Variants in DROSHA observed in about 807,000 individuals in gnomAD.
The protein encoded by DROSHA is drosha ribonuclease III.
DROSHA carries 56 observed loss-of-function variants against 181.9 expected under a neutral mutation model. The observed-to-expected ratio is 0.31, with a 90% CI of 0.25 to 0.38. DROSHA has a LOEUF of 0.38. DROSHA is among the 10% of genes least tolerant of loss of function. DROSHA has a pLI of 1.00. For missense variants in DROSHA, 1,218 were observed against 1,743.5 expected (o/e 0.70, Z 5.37); for synonymous variants, 524 against 591.2 (o/e 0.89, Z 1.65).
intron 30 of DROSHA, among the ~76,000 whole-genome samples, chr5:31,420,467 C>T (rs530468880): frequency 2.6e-5 from 4 of 152,136 alleles, no homozygotes; most frequent in Non-Finnish European, 5.9e-5. Flanking sequence ...CAGTACGCAA[C>T]AAATAAAAAA....
At chr5:31,443,031 T>C (rs1745792606) in intron 23 of DROSHA, among the ~76,000 whole-genome samples, 1 of 151,768 alleles carries the variant, frequency 6.6e-6, no homozygotes, top group Non-Finnish European at 1.5e-5. Context: ...GTGTCTCTGT[T>C]GGTCCGATAG....
At chr5:31,494,906 C>A (rs900191958) in intron 12 of DROSHA, among the ~76,000 whole-genome samples, 4 of 151,974 alleles carry the variant, frequency 2.6e-5, no homozygotes, top group African/African-American at 9.7e-5. Flanking sequence ...GATCTCCTGA[C>A]CTTGTGATCT....
chr5:31,516,027 G>T (rs940747644), intron 6 of DROSHA, among the ~76,000 whole-genome samples: 1 of 152,138 alleles, frequency 6.6e-6, no homozygotes, highest in South Asian at 2.1e-4. Flanking sequence ...AGGCCGAGGC[G>T]GGAGGATCAC....
chr5:31,526,661 C>T lies in DROSHA; in HGVS notation c.272G>A (p.Gly91Asp). 1 of 1,508,932 alleles carries T rather than the reference C, an allele frequency of 6.6e-7. No homozygotes were observed. The highest frequency in any genetic ancestry group is 8.8e-7 in the Non-Finnish European group (1 of 1,132,496). 93.5% of individuals were successfully genotyped at this position (1,508,932 alleles called of 1,614,324 possible). Residue 91 changes from glycine (G) to aspartate (D), a missense_variant, in exon 5 of 36, where the codon GGC becomes GAC. This residue lies in a region of DROSHA where 536 missense variants were observed against 535.4 expected (regional missense o/e 1.00). Transcript: ENST00000344624. ...CCTGATTGGGCAGGGGGGAAGAGGG[C>T]CTTGCGCTGACGGAGGCATGGGTGG... ...FPPPMPPSAQ[G>D]PLPPCPIRPP...
rs1423674454 is a variant in DROSHA at position 31,409,744 on chromosome 5, T to C, written c.3668-412A>G. ...TTTCAACACCAATCCTGAGATCCCC[T>C]GTTTTTAAGGATTCTATGTTAAATT... On this transcript the variant is annotated intron_variant, in intron 31 of 35. Coordinates refer to ENST00000344624, the MANE Select transcript of DROSHA (RefSeq NM_001382508.1). The surrounding 1 kb of genome is among the most constrained non-coding windows in gnomAD (Gnocchi z 4.0). Among the ~76,000 whole-genome samples the C allele has an allele frequency of 6.6e-6, 1 of 152,188 alleles. No individual in the cohort carries two copies. The highest frequency in any genetic ancestry group is 1.9e-4 in the East Asian group (1 of 5,200).
intron 11 of DROSHA, among the ~76,000 whole-genome samples, chr5:31,501,815 C>T (rs1044529181): frequency 6.6e-6 from 1 of 152,200 alleles, no homozygotes; most frequent in African/African-American, 2.4e-5. Flanking sequence ...CCAGTGCTCC[C>T]ACCCACTCAT....
chr5:31,519,363 G>A (rs1260856048), intron 6 of DROSHA, among the ~76,000 whole-genome samples: 1 of 151,974 alleles, frequency 6.6e-6, no homozygotes, highest in Admixed American at 6.6e-5. Context: ...TCTAACCCAT[G>A]GCATTTCATC....
intron 8 of DROSHA, among the ~76,000 whole-genome samples, chr5:31,512,155 T>C (rs1417491456): frequency 6.6e-6 from 1 of 152,190 alleles, no homozygotes; most frequent in African/African-American, 2.4e-5. Flanking sequence ...ACCTGTCAAA[T>C]GTAAAATTAA....
At chr5:31,469,293 G>A (rs1421932153) in intron 17 of DROSHA, among the ~76,000 whole-genome samples, 1 of 151,994 alleles carries the variant, frequency 6.6e-6, no homozygotes, top group Admixed American at 6.6e-5. Context: ...GGAGGCGGAG[G>A]TTGTAGTGAG....
At chr5:31,459,414 TA>T (rs4050153) in intron 20 of DROSHA, among the ~76,000 whole-genome samples, 7,466 of 130,136 alleles carry the variant, frequency 0.057, 228 homozygotes, top group African/African-American at 0.086. Flanking sequence ...TCCCATGTCT[TA>T]AAAAAAAAAA....
intron 24 of DROSHA, 36 bp from the exon 25 acceptor site, chr5:31,435,900 C>A: frequency 6.3e-7 from 1 of 1,585,536 alleles, no homozygotes; most frequent in Non-Finnish European, 8.6e-7. Context: ...AATAAATATG[C>A]ATCACGACAT....
At chr5:31,448,911 T>G (rs1417696882) in intron 22 of DROSHA, among the ~76,000 whole-genome samples, 1 of 152,128 alleles carries the variant, frequency 6.6e-6, no homozygotes, top group African/African-American at 2.4e-5. Flanking sequence ...GGCGGATAGA[T>G]CACTTGAGGT....
rs531780354 is a variant in DROSHA at position 31,407,024 on chromosome 5, T to C, written c.3855-79A>G. The C allele has an allele frequency of 2.1e-3, 2,507 of 1,215,924 alleles. 5 individuals are homozygous for C. Among genetic ancestry groups the C allele is most frequent in the Non-Finnish European group, 2.7e-3 (2,329 of 853,392 alleles). The allele number at this position is 1,215,924 out of a possible 1,614,324, so 75.3% of individuals were successfully genotyped here. On this transcript the variant is annotated intron_variant, in intron 33 of 35. Coordinates refer to ENST00000344624, the MANE Select transcript of DROSHA (RefSeq NM_001382508.1). ...TACTATGTAACTATGAGGAAAACCA[T>C]GTACTTAGTGCCTAGACAGAGTTAA...
At chr5:31,498,605 C>A (rs570325775) in intron 11 of DROSHA, among the ~76,000 whole-genome samples, 1 of 152,028 alleles carries the variant, frequency 6.6e-6, no homozygotes, top group Non-Finnish European at 1.5e-5. Flanking sequence ...TGCCTGTAAT[C>A]CCAGCACTTT....
At position 31,409,080 on chromosome 5, in the gene DROSHA, T is replaced by C; in HGVS notation, c.3830A>G (p.Lys1277Arg). ...CTTGTACAGAGGAATGTCTGGCTCT[T>C]TTCCTTCTGTCCTAAGTGTCAAGCA... ...QCCLTLRTEG[K>R]EPDIPLYKTL... Residue 1277 changes from lysine (K) to arginine (R), a missense_variant, in exon 33 of 36, where the codon AAA (lysine) becomes AGA (arginine). Physicochemically the swap from Lys to Arg is conservative, Grantham distance 26. Around this residue, in one of 8 missense-constraint regions of DROSHA, gnomAD observed 48 missense variants for 124.9 expected, o/e 0.38. Transcript: ENST00000344624. The surrounding 1 kb of genome is among the most constrained non-coding windows in gnomAD (Gnocchi z 4.0). 6.2e-7 allele frequency: 1 copy of C among 1,613,870 alleles called. No individual in the cohort carries two copies. The highest frequency in any genetic ancestry group is 8.5e-7 in the Non-Finnish European group (1 of 1,179,790).
intron 30 of DROSHA, among the ~76,000 whole-genome samples, chr5:31,418,563 C>T (rs185508306): frequency 3.3e-5 from 5 of 152,318 alleles, no homozygotes; most frequent in African/African-American, 1.2e-4. Flanking sequence ...ACCACCATAC[C>T]TGGCCCTTGT....
intron 20 of DROSHA, among the ~76,000 whole-genome samples, chr5:31,460,494 G>A (rs656479): frequency 0.022 from 3,284 of 152,206 alleles, 116 homozygotes; most frequent in African/African-American, 0.075. Flanking sequence ...CAATGGTTTC[G>A]TCTCCTGCAG....
intron 16 of DROSHA, among the ~76,000 whole-genome samples, chr5:31,474,997 G>A (rs948788208): frequency 2.0e-5 from 3 of 152,140 alleles, no homozygotes; most frequent in African/African-American, 7.2e-5. Flanking sequence ...CACATAGCTA[G>A]GGGCATATTT....
chr5:31,508,657 T>A lies in DROSHA; in HGVS notation c.1551A>T (p.Arg517=). Reference sequence around the variant, plus strand: ...CGTTGTACCAAAGTTCATCATGAAGTCGGTCAGGGTGGGCCTTTTTGCGTT... The same window carrying A: ...CGTTGTACCAAAGTTCATCATGAAGACGGTCAGGGTGGGCCTTTTTGCGTT... ...EIKRKKAHPD[R]LHDELWYNDP... Residue 517 remains arginine, a synonymous_variant, in exon 10 of 36, where the codon CGA becomes CGT. Coordinates refer to ENST00000344624, the MANE Select transcript of DROSHA (RefSeq NM_001382508.1). 6.2e-7 allele frequency: 1 copy of A among 1,613,894 alleles called. No individual in the cohort carries two copies. Among genetic ancestry groups the A allele is most frequent in the Non-Finnish European group, 8.5e-7 (1 of 1,179,856 alleles).
Sources: allele counts gnomAD v4.1 joint callset (sites outside exome capture counted in the v4.1 genomes callset), GRCh38; gene constraint gnomAD v4.1.1; regional missense constraint gnomAD v4.1.1; non-coding constraint Gnocchi (gnomAD v3.1); transcripts MANE v1.5; gene names NCBI Gene and HGNC (gene_info 2026-07-23, HGNC 2026-07-21).